The following TENM4 variants were observed in gnomAD, a reference collection of about 807,000 sequenced individuals.
TENM4 encodes teneurin-4.
In TENM4, 82 loss-of-function variants were observed where a neutral mutation model predicts 243.3. That is an observed-to-expected ratio of 0.34 (90% CI 0.28 to 0.40). TENM4 has a LOEUF of 0.40. Ranked by LOEUF, TENM4 falls within the 10% of genes least tolerant of loss-of-function variation. TENM4 has a pLI of 1.00. For missense variants in TENM4, 3,138 were observed against 3,673.3 expected, an observed-to-expected ratio of 0.85 and a Z score of 3.77; for synonymous variants, 1,412 against 1,456.3, an observed-to-expected ratio of 0.97 and a Z score of 0.69.
chr11:78,762,592 T>C (rs577363238), intron 18 of TENM4, among the ~76,000 whole-genome samples: 1 of 152,320 alleles, frequency 6.6e-6, no homozygotes, highest in South Asian at 2.1e-4. Flanking sequence ...TGGTGATGCT[T>C]CCTAATCATT....
intron 1 of TENM4, among the ~76,000 whole-genome samples, chr11:79,373,310 C>G (rs1402642140): frequency 1.5e-5 from 2 of 131,620 alleles, no homozygotes; most frequent in Non-Finnish European, 3.3e-5. Context: ...GGCTGGCTGG[C>G]TGGCTGGCTG....
chr11:79,407,447 T>C (rs953105711), intron 1 of TENM4, among the ~76,000 whole-genome samples: 7 of 152,372 alleles, frequency 4.6e-5, no homozygotes, highest in African/African-American at 1.7e-4. Context: ...TGCTAAGCAC[T>C]TTCGCAGATC....
intron 18 of TENM4, among the ~76,000 whole-genome samples, chr11:78,766,706 A>ATTTTT (rs10678115): frequency 1.4e-5 from 2 of 144,186 alleles, no homozygotes; most frequent in African/African-American, 2.6e-5. Context: ...GGCTCCCCCA[A>ATTTTT]TTTTTTTTTT....
chr11:78,792,755 T>C (rs1044055664), intron 15 of TENM4, among the ~76,000 whole-genome samples: 2 of 152,212 alleles, frequency 1.3e-5, no homozygotes, highest in Non-Finnish European at 2.9e-5. Context: ...ACAGGTTATT[T>C]TGTTAAATAT....
At position 79,213,176 on chromosome 11, in the gene TENM4, A is replaced by C. The variant is rs478922; in HGVS notation, c.-163+2632T>G. ...AGGAGAAAGGCAGTGGGGACATTCC[A>C]GGAGGAAGGAACAGTGTATGTGGAG... On this transcript the variant is annotated intron_variant, in intron 3 of 33. Transcript: ENST00000278550. 5.3e-3 allele frequency among the ~76,000 whole-genome samples: 809 copies of C among 152,302 alleles called. 3 individuals are homozygous for C. The highest frequency in any genetic ancestry group is 0.034 in the South Asian group (163 of 4,822).
chr11:78,801,930 T>G (rs570886813), intron 15 of TENM4, among the ~76,000 whole-genome samples: 1 of 152,326 alleles, frequency 6.6e-6, no homozygotes, highest in South Asian at 2.1e-4. Flanking sequence ...AGAACTACTT[T>G]GCCCAAATTT....
intron 9 of TENM4, among the ~76,000 whole-genome samples, chr11:78,866,458 TAA>T (rs5792824): frequency 0.017 from 2,165 of 130,574 alleles, 37 homozygotes; most frequent in African/African-American, 0.047. Flanking sequence ...AGTCCTTGCT[TAA>T]AAAAAAAAAA....
At chr11:79,140,372 A>T (rs573978381) in intron 4 of TENM4, among the ~76,000 whole-genome samples, 1 of 152,230 alleles carries the variant, frequency 6.6e-6, no homozygotes, top group African/African-American at 2.4e-5. Context: ...TGGACTGGTC[A>T]GTCCTAAGCC....
chr11:79,194,984 C>G (rs938174656), intron 3 of TENM4, among the ~76,000 whole-genome samples: 1 of 152,164 alleles, frequency 6.6e-6, no homozygotes, highest in African/African-American at 2.4e-5. Flanking sequence ...TGTGTGCAGC[C>G]TAGGGACTTG....
chr11:79,168,097 A>G (rs1862956914), intron 3 of TENM4, among the ~76,000 whole-genome samples: 1 of 152,210 alleles, frequency 6.6e-6, no homozygotes, highest in Non-Finnish European at 1.5e-5. Flanking sequence ...GTGATGCTGA[A>G]GTCTGCTGCT....
At position 79,137,431 on chromosome 11, in the gene TENM4, T is replaced by C. The variant is rs1347332627; in HGVS notation, c.-66+11279A>G. Among the ~76,000 whole-genome samples, 6 of 152,092 alleles carry C rather than the reference T, an allele frequency of 3.9e-5. No homozygotes were observed. The East Asian group carries it at 1.2e-3, about 29-fold the overall frequency. The stretch of plus-strand genomic sequence containing the variant: ...TCAATGGAAAACTACGACAGACCAA[T>C]CCAGGCAGACTACAAATGAACCAGA... On this transcript the variant is annotated intron_variant, in intron 4 of 33. Coordinates refer to ENST00000278550, the MANE Select transcript of TENM4 (RefSeq NM_001098816.3).
intron 32 of TENM4, among the ~76,000 whole-genome samples, chr11:78,666,946 T>C (rs1565321538): frequency 6.6e-6 from 1 of 152,028 alleles, no homozygotes; most frequent in Non-Finnish European, 1.5e-5. Context: ...AAAGATGCAA[T>C]GTTTTTTTTG....
At chr11:78,721,648 G>A (rs998669584) in intron 24 of TENM4, among the ~76,000 whole-genome samples, 1 of 152,150 alleles carries the variant, frequency 6.6e-6, no homozygotes, top group African/African-American at 2.4e-5. Flanking sequence ...ACACCTTACG[G>A]AATTGTTATG....
chr11:79,175,527 A>AGAT (rs1455832948), intron 3 of TENM4, among the ~76,000 whole-genome samples: 1 of 152,234 alleles, frequency 6.6e-6, no homozygotes, highest in African/African-American at 2.4e-5. Context: ...TAAGCCTAAG[A>AGAT]GATGAATATT....
chr11:79,291,943 C>A (rs557478201), intron 2 of TENM4, among the ~76,000 whole-genome samples: 9 of 152,276 alleles, frequency 5.9e-5, no homozygotes, highest in African/African-American at 2.2e-4. Flanking sequence ...GCAAATTGAG[C>A]CCTGGTGCTG....
chr11:79,100,540 G>A lies in TENM4; in HGVS notation c.-65-30531C>T, dbSNP rs532501357. On this transcript the variant is annotated intron_variant, in intron 4 of 33. Transcript: ENST00000278550. ...TGGGGCAGGACTGAGGCCTGCCCTC[G>A]ATGGTAAATTCCTTGAGGTCAGGGA... Among the ~76,000 whole-genome samples, 115 of 152,290 alleles carry A rather than the reference G, an allele frequency of 7.6e-4. 1 individual carries two copies. Among genetic ancestry groups the A allele is most frequent in the African/African-American group, 2.7e-3 (112 of 41,560 alleles).
At chr11:79,409,108 GCGCGCGTGCGTGCA>G (rs1858640914) in intron 1 of TENM4, among the ~76,000 whole-genome samples, 2 of 141,754 alleles carry the variant, frequency 1.4e-5, no homozygotes, top group African/African-American at 5.5e-5. Context: ...GTGTGCGCGC[GCGCGCGTGCGTGCA>G]CGCGCACGCA....
At chr11:79,022,602 A>C (rs1388244757) in intron 6 of TENM4, among the ~76,000 whole-genome samples, 1 of 152,218 alleles carries the variant, frequency 6.6e-6, no homozygotes, top group African/African-American at 2.4e-5. Context: ...TCCTGTCTGG[A>C]AATGCAATTA....
intron 6 of TENM4, among the ~76,000 whole-genome samples, chr11:78,941,398 G>A (rs557460642): frequency 1.1e-4 from 17 of 152,334 alleles, no homozygotes; most frequent in African/African-American, 4.1e-4. Context: ...GGGGCTGGTG[G>A]GTGGGCCTAT....
Sources: allele counts gnomAD v4.1 joint callset (sites outside exome capture counted in the v4.1 genomes callset), GRCh38; gene constraint gnomAD v4.1.1; transcripts MANE v1.5; gene names NCBI Gene and HGNC (gene_info 2026-07-23, HGNC 2026-07-21).